Variants in NXPH1 observed in about 807,000 individuals in gnomAD.
NXPH1 encodes neurexophilin-1.
A neutral mutation model predicts 23.7 loss-of-function variants in NXPH1; 5 were observed. That is an observed-to-expected ratio of 0.21 (90% CI 0.11 to 0.44). The LOEUF (loss-of-function observed/expected upper bound fraction) is 0.44, where lower values mean the gene tolerates loss of function less well. Among genes scored for constraint, NXPH1 ranks in the 20% least tolerant of loss-of-function variants. NXPH1 has a pLI of 0.99. For synonymous variants in NXPH1, 144 were observed against 122.2 expected, an observed-to-expected ratio of 1.18 and a Z score of -1.18; for missense variants, 324 against 321.6, an observed-to-expected ratio of 1.01 and a Z score of -0.06.
intron 2 of NXPH1, among the ~76,000 whole-genome samples, chr7:8,610,976 A>T (rs781564724): frequency 6.6e-6 from 1 of 152,160 alleles, no homozygotes; most frequent in Non-Finnish European, 1.5e-5. Flanking sequence ...ACTTAACTTG[A>T]GTCACAATAG....
chr7:8,503,511 T>G (rs1204940569), intron 2 of NXPH1, among the ~76,000 whole-genome samples: 2 of 152,024 alleles, frequency 1.3e-5, no homozygotes, highest in Admixed American at 6.6e-5. Context: ...TGGAACTATT[T>G]AGCACAAAGT....
chr7:8,530,604 G>C (rs1239440039), intron 2 of NXPH1, among the ~76,000 whole-genome samples: 1 of 152,204 alleles, frequency 6.6e-6, no homozygotes, highest in African/African-American at 2.4e-5. Context: ...GGTTGTTGTA[G>C]GGTTTCTGCA....
At chr7:8,475,544 G>T (rs1036205599) in intron 2 of NXPH1, among the ~76,000 whole-genome samples, 7 of 152,108 alleles carry the variant, frequency 4.6e-5, no homozygotes, top group African/African-American at 1.7e-4. Context: ...GTGATCCTCT[G>T]TGAATTGCAT....
chr7:8,694,918 C>T (rs1821281514), intron 2 of NXPH1, among the ~76,000 whole-genome samples: 1 of 152,112 alleles, frequency 6.6e-6, no homozygotes, highest in Admixed American at 6.5e-5. Flanking sequence ...ATTTGGGATT[C>T]TGTGGATAAT....
chr7:8,742,014 T>C (rs1325071569), intron 2 of NXPH1, among the ~76,000 whole-genome samples: 1 of 152,160 alleles, frequency 6.6e-6, no homozygotes, highest in African/African-American at 2.4e-5. Flanking sequence ...AATAGCTGCC[T>C]ACCTTTCTCT....
At chr7:8,482,123 C>G (rs1406814716) in intron 2 of NXPH1, among the ~76,000 whole-genome samples, 1 of 152,198 alleles carries the variant, frequency 6.6e-6, no homozygotes, top group East Asian at 1.9e-4. Flanking sequence ...AACTGCTGAA[C>G]TTCAGCTTTC....
chr7:8,561,382 A>ACC (rs748791855), intron 2 of NXPH1, among the ~76,000 whole-genome samples: 3 of 144,574 alleles, frequency 2.1e-5, no homozygotes, highest in African/African-American at 7.7e-5. Context: ...ACACACACAC[A>ACC]CCTCTCTCTC....
intron 2 of NXPH1, among the ~76,000 whole-genome samples, chr7:8,505,470 T>C (rs970547670): frequency 2.0e-5 from 3 of 151,994 alleles, no homozygotes; most frequent in African/African-American, 7.2e-5. Context: ...AAATAAATAA[T>C]AGACCTCAAC....
In NXPH1 at chr7:8,581,746, G is replaced by A. The variant is rs186519707; in HGVS notation, c.54+145979G>A. On this transcript the variant is annotated intron_variant, in intron 2 of 2. Coordinates refer to ENST00000405863, the MANE Select transcript of NXPH1 (RefSeq NM_152745.3). Reference sequence around the variant, plus strand: ...ATAGGAGCCAAAATAGGAAATTGTAGGTAACTAGGGGACAAAGTAGCGATA... The same window carrying A: ...ATAGGAGCCAAAATAGGAAATTGTAAGTAACTAGGGGACAAAGTAGCGATA... Among the ~76,000 whole-genome samples the A allele has an allele frequency of 1.6e-3, 251 of 152,274 alleles. 1 individual carries two copies. Among genetic ancestry groups the A allele is most frequent in the Admixed American group, 3.2e-3 (49 of 15,298 alleles).
chr7:8,439,472 A>G (rs1816254772), intron 2 of NXPH1, among the ~76,000 whole-genome samples: 1 of 152,244 alleles, frequency 6.6e-6, no homozygotes, highest in South Asian at 2.1e-4. Context: ...ATTGAATCCA[A>G]TGCATCCGAC....
chr7:8,607,770 C>G lies in NXPH1; in HGVS notation c.55-143238C>G, dbSNP rs549463602. Among the ~76,000 whole-genome samples the G allele has an allele frequency of 8.5e-4, 130 of 152,264 alleles. 1 individual carries two copies. The highest frequency in any genetic ancestry group is 3.0e-3 in the African/African-American group (124 of 41,552). The stretch of plus-strand genomic sequence containing the variant: ...GTTGAAATATGTTCCCCAAAAAGAT[C>G]TGTTGAGGTCCTAACATCTGGTTCC... On this transcript the variant is annotated intron_variant, in intron 2 of 2. Coordinates refer to ENST00000405863, the MANE Select transcript of NXPH1 (RefSeq NM_152745.3).
At position 8,512,224 on chromosome 7, in the gene NXPH1, T is replaced by A. The variant is rs929337; in HGVS notation, c.54+76457T>A. ...ATTGTAAGAAGCGCAAAGAATCATG[T>A]GATAATCTTAACCAACTGTTATTTC... On this transcript the variant is annotated intron_variant, in intron 2 of 2. Coordinates refer to ENST00000405863, the MANE Select transcript of NXPH1 (RefSeq NM_152745.3). Among the ~76,000 whole-genome samples the A allele has an allele frequency of 2.0e-5, 3 of 152,032 alleles. No homozygotes were observed. In the East Asian group the frequency reaches 5.8e-4, roughly 29 times the overall value.
chr7:8,549,228 A>G (rs868136152), intron 2 of NXPH1, among the ~76,000 whole-genome samples: 39 of 151,648 alleles, frequency 2.6e-4, no homozygotes, highest in African/African-American at 9.4e-4. Flanking sequence ...TCTCTTATCA[A>G]ATGTGGCCTC....
At chr7:8,453,589 G>A (rs1252365722) in intron 2 of NXPH1, among the ~76,000 whole-genome samples, 1 of 152,094 alleles carries the variant, frequency 6.6e-6, no homozygotes, top group South Asian at 2.1e-4. Flanking sequence ...GGAATATTGT[G>A]TAGGTTATTG....
intron 2 of NXPH1, among the ~76,000 whole-genome samples, chr7:8,581,725 G>A (rs1413165067): frequency 6.6e-6 from 1 of 152,172 alleles, no homozygotes; most frequent in Non-Finnish European, 1.5e-5. Flanking sequence ...AGTGTGATAG[G>A]AGCCAAAATA....
At chr7:8,468,767 G>C (rs1179536780) in intron 2 of NXPH1, among the ~76,000 whole-genome samples, 1 of 151,986 alleles carries the variant, frequency 6.6e-6, no homozygotes, top group African/African-American at 2.4e-5. Context: ...TGGTTAAGTT[G>C]TTATGATAGT....
At chr7:8,589,689 T>G (rs2128625143) in intron 2 of NXPH1, among the ~76,000 whole-genome samples, 1 of 152,094 alleles carries the variant, frequency 6.6e-6, no homozygotes, top group East Asian at 1.9e-4. Context: ...AGTATAAATC[T>G]TGAACCAAAT....
intron 2 of NXPH1, among the ~76,000 whole-genome samples, chr7:8,524,610 A>C (rs1171601500): frequency 1.3e-5 from 2 of 152,176 alleles, no homozygotes; most frequent in Admixed American, 6.5e-5. Flanking sequence ...CCCAAATCTT[A>C]ACTTGAAATA....
At chr7:8,587,119 C>G (rs548431824) in intron 2 of NXPH1, among the ~76,000 whole-genome samples, 1 of 152,170 alleles carries the variant, frequency 6.6e-6, no homozygotes, top group Non-Finnish European at 1.5e-5. Context: ...TTCAAAATGA[C>G]ATTTCATTTC....
Sources: allele counts gnomAD v4.1 joint callset (sites outside exome capture counted in the v4.1 genomes callset), GRCh38; gene constraint gnomAD v4.1.1; transcripts MANE v1.5; gene names NCBI Gene and HGNC (gene_info 2026-07-23, HGNC 2026-07-21).